The following C12orf42 variants were observed in gnomAD, a reference collection of about 807,000 sequenced individuals.
C12orf42 encodes the protein uncharacterized protein C12orf42.
A neutral mutation model predicts 21.6 loss-of-function variants in C12orf42; 25 were observed. That is an observed-to-expected ratio of 1.16 (90% CI 0.84 to 1.62). C12orf42 has a LOEUF of 1.62. Among genes scored for constraint, C12orf42 ranks in the 40% most tolerant of loss-of-function variants. C12orf42 has a pLI of 0.00. For missense variants in C12orf42, 483 were observed against 459.3 expected (o/e 1.05, Z -0.47); for synonymous variants, 174 against 175.0 (o/e 0.99, Z 0.05).
downstream of C12orf42, among the ~76,000 whole-genome samples, chr12:103,301,182 G>GA (rs893146750): frequency 1.3e-5 from 2 of 151,600 alleles, no homozygotes; most frequent in Admixed American, 6.6e-5. Flanking sequence ...TTGAACTGAA[G>GA]AAAAAAAAAT....
intron 2 of C12orf42, among the ~76,000 whole-genome samples, chr12:103,424,527 G>T (rs998841774): frequency 6.6e-6 from 1 of 152,232 alleles, no homozygotes; most frequent in Non-Finnish European, 1.5e-5. Flanking sequence ...CAGAGGGCGA[G>T]TGGAAGCAGG....
chr12:103,209,830 G>A, the C12orf42 span, among the ~76,000 whole-genome samples: 1 of 152,166 alleles, frequency 6.6e-6, no homozygotes, highest in Non-Finnish European at 1.5e-5. Context: ...TATGTATACG[G>A]TGGAAAGGAG....
chr12:103,085,483 A>C, the C12orf42 span, among the ~76,000 whole-genome samples: 34 of 152,116 alleles, frequency 2.2e-4, no homozygotes, highest in African/African-American at 7.7e-4. Context: ...AAGATTTCAG[A>C]ATGCACAATT....
At chr12:103,422,098 A>G (rs1000886066) in intron 2 of C12orf42, among the ~76,000 whole-genome samples, 2 of 152,358 alleles carry the variant, frequency 1.3e-5, no homozygotes, top group Admixed American at 6.5e-5. Context: ...CAGAAAAGCA[A>G]CAATGGATAA....
intron 4 of C12orf42, among the ~76,000 whole-genome samples, chr12:103,278,823 C>T (rs1043550505): frequency 1.3e-5 from 2 of 152,228 alleles, no homozygotes; most frequent in African/African-American, 2.4e-5. Context: ...CTCAGTACTA[C>T]CACTGTAAGT....
chr12:103,150,640 G>A, the C12orf42 span, among the ~76,000 whole-genome samples: 12,951 of 152,220 alleles, frequency 0.085, 676 homozygotes, highest in Non-Finnish European at 0.12. Flanking sequence ...TGGCCCAAGA[G>A]ATTCCTGCTA....
At chr12:103,412,272 A>G (rs990097419) in intron 2 of C12orf42, among the ~76,000 whole-genome samples, 2 of 152,236 alleles carry the variant, frequency 1.3e-5, no homozygotes, top group East Asian at 3.8e-4. Context: ...CATTTCAACT[A>G]AACACTAAGA....
intron 4 of C12orf42, among the ~76,000 whole-genome samples, chr12:103,319,721 A>C (rs1198259758): frequency 6.6e-6 from 1 of 152,254 alleles, no homozygotes; most frequent in Non-Finnish European, 1.5e-5. Context: ...TGCAGTTTAC[A>C]AGCATTTTTC....
At chr12:103,374,369 T>A (rs903719019) in intron 3 of C12orf42, among the ~76,000 whole-genome samples, 3 of 152,114 alleles carry the variant, frequency 2.0e-5, no homozygotes, top group African/African-American at 7.2e-5. Flanking sequence ...TAATGGGATA[T>A]TTTGAGATTT....
At chr12:103,074,189 T>C in the C12orf42 span, among the ~76,000 whole-genome samples, 1 of 152,166 alleles carries the variant, frequency 6.6e-6, no homozygotes, top group Admixed American at 6.6e-5. Context: ...AAAGAAATGA[T>C]CCAGAGGGCT....
chr12:103,302,462 C>A lies in C12orf42; in HGVS notation c.729G>T (p.Glu243Asp), dbSNP rs199947695. The A allele has an allele frequency of 1.2e-6, 2 of 1,613,810 alleles. No homozygotes were observed. The highest frequency in any genetic ancestry group is 1.7e-6 in the Non-Finnish European group (2 of 1,179,872). Reference protein sequence around the residue: ...QSTGPSNTELEPEERMAVPAG... With the variant: ...QSTGPSNTELDPEERMAVPAG... Reference sequence around the variant, plus strand: ...CTGGGACTGCCATCCTCTCCTCCGGCTCGAGCTCTGTGTTACTCGGGCCGG... The same window carrying A: ...CTGGGACTGCCATCCTCTCCTCCGGATCGAGCTCTGTGTTACTCGGGCCGG... The change falls in exon 6 of 6, where the codon GAG becomes GAT. Residue 243 changes from glutamate (E) to aspartate (D), a missense_variant. Coordinates refer to ENST00000548883, the MANE Select transcript of C12orf42 (RefSeq NM_198521.5).
chr12:103,158,210 T>C, the C12orf42 span, among the ~76,000 whole-genome samples: 1 of 152,192 alleles, frequency 6.6e-6, no homozygotes, highest in Admixed American at 6.5e-5. Flanking sequence ...TTCTTGCAGA[T>C]GGGATAACTG....
At chr12:103,235,895 C>T (rs980556182), downstream of C12orf42, among the ~76,000 whole-genome samples, 8 of 152,084 alleles carry the variant, frequency 5.3e-5, no homozygotes, top group African/African-American at 1.9e-4. Context: ...TATGGAATAA[C>T]TTAGTTTAAA....
chr12:103,357,499 T>C lies in C12orf42; in HGVS notation c.259+11388A>G, dbSNP rs17033762. Among the ~76,000 whole-genome samples the C allele has an allele frequency of 0.013, 1,960 of 152,154 alleles. 127 individuals are homozygous for C. The East Asian group carries it at 0.22, about 17-fold the overall frequency. On this transcript the variant is annotated intron_variant, in intron 4 of 5. Transcript: ENST00000548883. The stretch of plus-strand genomic sequence containing the variant: ...AGTATGTTATAAGAGGAATGCTCCA[T>C]CTGTCTGCTGCAGGCAAGGTCCCAG...
At chr12:103,232,307 A>T in the C12orf42 span, among the ~76,000 whole-genome samples, 1 of 152,122 alleles carries the variant, frequency 6.6e-6, no homozygotes, top group African/African-American at 2.4e-5. Context: ...TTTTTATATT[A>T]ATCAAATCCA....
intron 10 of C12orf42, among the ~76,000 whole-genome samples, chr12:103,256,105 TATATATACACACAC>T (rs1463798998): frequency 0.035 from 1,341 of 37,802 alleles, 10 homozygotes; most frequent in Non-Finnish European, 0.052. Flanking sequence ...TATATATATA[TATATATACACACAC>T]ACACACACAC....
chr12:103,418,834 T>A (rs1222991984), intron 2 of C12orf42, among the ~76,000 whole-genome samples: 2 of 148,006 alleles, frequency 1.4e-5, no homozygotes, highest in African/African-American at 2.5e-5. Flanking sequence ...TCCGTTAAAT[T>A]TTTTTTTTTT....
the C12orf42 span, among the ~76,000 whole-genome samples, chr12:103,550,233 T>C: frequency 1.3e-5 from 2 of 152,276 alleles, no homozygotes; most frequent in East Asian, 3.9e-4. Flanking sequence ...TACTTTTGTA[T>C]AAACATATAA....
chr12:103,402,172 C>T (rs925350118), intron 2 of C12orf42, among the ~76,000 whole-genome samples: 16 of 152,106 alleles, frequency 1.1e-4, no homozygotes, highest in African/African-American at 3.9e-4. Context: ...TTTGGAGTTG[C>T]TTGGCACGTA....
Sources: allele counts gnomAD v4.1 joint callset (sites outside exome capture counted in the v4.1 genomes callset), GRCh38; gene constraint gnomAD v4.1.1; transcripts MANE v1.5; gene names NCBI Gene and HGNC (gene_info 2026-07-23, HGNC 2026-07-21).